The following ATXN7L1 variants were observed in gnomAD, a reference collection of about 807,000 sequenced individuals.
ATXN7L1 encodes the protein ataxin-7-like protein 1.
In ATXN7L1, 15 loss-of-function variants were observed where a neutral mutation model predicts 70.8. That is an observed-to-expected ratio of 0.21 (90% CI 0.14 to 0.33). The LOEUF is 0.33. Ranked by LOEUF, ATXN7L1 falls within the 10% of genes least tolerant of loss-of-function variation. ATXN7L1 has a pLI of 1.00. For synonymous variants in ATXN7L1, 440 were observed against 445.1 expected (o/e 0.99, Z 0.14); for missense variants, 975 against 1,097.1 (o/e 0.89, Z 1.57).
intron 8 of ATXN7L1, among the ~76,000 whole-genome samples, chr7:105,622,703 G>A (rs888095207): frequency 6.6e-6 from 1 of 152,196 alleles, no homozygotes; most frequent in African/African-American, 2.4e-5. Flanking sequence ...TTGATCCGGC[G>A]GGGGCATGTG....
intron 2 of ATXN7L1, among the ~76,000 whole-genome samples, chr7:105,818,138 C>T (rs1809474498): frequency 6.6e-6 from 1 of 152,134 alleles, no homozygotes; most frequent in Non-Finnish European, 1.5e-5. Context: ...TAACAAGCTG[C>T]CTGGGCTAAA....
Position 105,662,166 on chromosome 7 carries a change from G to A in ATXN7L1, c.578+2900C>T, listed in dbSNP as rs183812972. 1.9e-4 allele frequency among the ~76,000 whole-genome samples: 28 copies of A among 147,202 alleles called. No individual in the cohort carries two copies. The East Asian group carries it at 4.8e-3, about 25-fold the overall frequency. On this transcript the variant is annotated intron_variant, in intron 4 of 11. Coordinates refer to ENST00000419735, the MANE Select transcript of ATXN7L1 (RefSeq NM_020725.2). Reference sequence around the variant, plus strand: ...TGCCCAGCCTGGAGTGCAATGGAGCGATCTTGGCTCACTGCAACCTCCAAC... The same window carrying A: ...TGCCCAGCCTGGAGTGCAATGGAGCAATCTTGGCTCACTGCAACCTCCAAC...
intron 2 of ATXN7L1, among the ~76,000 whole-genome samples, chr7:105,840,995 G>A (rs1813122587): frequency 6.6e-6 from 1 of 152,242 alleles, no homozygotes; most frequent in African/African-American, 2.4e-5. Flanking sequence ...CAGGAGGAAT[G>A]CATTTTGGGT....
intron 3 of ATXN7L1, among the ~76,000 whole-genome samples, chr7:105,693,982 T>G: frequency 6.8e-6 from 1 of 146,732 alleles, no homozygotes; most frequent in Admixed American, 6.8e-5. Context: ...AAGTCTGGGG[T>G]GGGGAAAGGA....
rs77135542 is a variant in ATXN7L1 at position 105,826,245 on chromosome 7, T to A, written c.251-37537A>T. 2.7e-4 allele frequency among the ~76,000 whole-genome samples: 41 copies of A among 152,326 alleles called. No individual in the cohort carries two copies. The East Asian group carries it at 7.3e-3, about 27-fold the overall frequency. On this transcript the variant is annotated intron_variant, in intron 2 of 11. Coordinates refer to ENST00000419735, the MANE Select transcript of ATXN7L1 (RefSeq NM_020725.2). ...GGGGGAAAAAAGCACATAAAAAGTT[T>A]AATAAGAACACTAGCCTGGAGAACT...
chr7:105,677,725 C>T (rs1480729564), intron 3 of ATXN7L1, among the ~76,000 whole-genome samples: 3 of 152,218 alleles, frequency 2.0e-5, no homozygotes, highest in Non-Finnish European at 4.4e-5. Context: ...GTAGGCAGTT[C>T]TCAGCCTTAT....
intron 3 of ATXN7L1, among the ~76,000 whole-genome samples, chr7:105,721,912 T>C (rs1795228163): frequency 2.6e-5 from 4 of 152,226 alleles, no homozygotes; most frequent in Non-Finnish European, 1.5e-5. Context: ...TGAAATACAA[T>C]GGGGTCTTCC....
intron 2 of ATXN7L1, among the ~76,000 whole-genome samples, chr7:105,836,544 A>G (rs1812412949): frequency 6.6e-6 from 1 of 152,194 alleles, no homozygotes; most frequent in African/African-American, 2.4e-5. Flanking sequence ...TCAGGGACAG[A>G]TGGCAAACAA....
chr7:105,619,165 T>TTTTTTTTTA (rs869296716), intron 9 of ATXN7L1, among the ~76,000 whole-genome samples: 1 of 140,544 alleles, frequency 7.1e-6, no homozygotes, highest in Non-Finnish European at 1.5e-5. Flanking sequence ...TTTTTTTTTT[T>TTTTTTTTTA]GAGACGGAGT....
intron 2 of ATXN7L1, among the ~76,000 whole-genome samples, chr7:105,802,343 G>A (rs914015574): frequency 6.6e-6 from 1 of 152,072 alleles, no homozygotes; most frequent in African/African-American, 2.4e-5. Flanking sequence ...AGGTAAGGTG[G>A]TCTAGCTAAG....
chr7:105,797,334 G>A (rs1160747298), intron 2 of ATXN7L1, among the ~76,000 whole-genome samples: 2 of 152,058 alleles, frequency 1.3e-5, no homozygotes, highest in Admixed American at 6.6e-5. Flanking sequence ...GTCCGCCCCC[G>A]GACCCCAACC....
intron 2 of ATXN7L1, among the ~76,000 whole-genome samples, chr7:105,794,413 G>A (rs1805696660): frequency 6.6e-6 from 1 of 152,198 alleles, no homozygotes; most frequent in Non-Finnish European, 1.5e-5. Flanking sequence ...CAGCCAAGGT[G>A]GGAGTATTTA....
rs990194236 is a variant in ATXN7L1 at position 105,604,920 on chromosome 7, G to C, written c.*2932C>G. The C allele has an allele frequency of 1.3e-5, 2 of 151,600 alleles. No homozygotes were observed. The highest frequency in any genetic ancestry group is 6.6e-5 in the Admixed American group (1 of 15,200). 9.4% of individuals were successfully genotyped at this position (151,600 alleles called of 1,614,324 possible). ...TTCTTTTTTTCCTTTTTTAAAACAA[G>C]AGTTCACTGAGAATCAGCAATAATA... On this transcript the variant is annotated 3_prime_UTR_variant, in exon 12 of 12. Transcript: ENST00000419735.
intron 7 of ATXN7L1, among the ~76,000 whole-genome samples, chr7:105,631,400 A>T (rs1158546576): frequency 6.6e-6 from 1 of 152,174 alleles, no homozygotes; most frequent in Admixed American, 6.5e-5. Flanking sequence ...AAGTGGACCT[A>T]AAGGTCATGT....
chr7:105,876,093 A>G (rs931369138), intron 1 of ATXN7L1, among the ~76,000 whole-genome samples: 5 of 152,184 alleles, frequency 3.3e-5, no homozygotes, highest in Admixed American at 2.6e-4. Flanking sequence ...CTATGCAAGC[A>G]GCAACAAAGT....
chr7:105,734,390 C>T (rs556485892), intron 3 of ATXN7L1, among the ~76,000 whole-genome samples: 22 of 152,202 alleles, frequency 1.4e-4, no homozygotes, highest in Non-Finnish European at 2.9e-4. Context: ...CCTCAGAGCC[C>T]GGGGCAGCTG....
intron 2 of ATXN7L1, among the ~76,000 whole-genome samples, chr7:105,875,450 C>T (rs74605194): frequency 6.6e-6 from 1 of 152,162 alleles, no homozygotes; most frequent in African/African-American, 2.4e-5. Context: ...CATTCACCCA[C>T]GAGAAAGGCT....
chr7:105,628,881 G>A (rs759535336), intron 7 of ATXN7L1, among the ~76,000 whole-genome samples: 13 of 151,170 alleles, frequency 8.6e-5, no homozygotes, highest in Non-Finnish European at 1.9e-4. Context: ...TGGTATATGT[G>A]TACACTGTAA....
intron 2 of ATXN7L1, among the ~76,000 whole-genome samples, chr7:105,828,225 G>A (rs1465018702): frequency 6.6e-6 from 1 of 152,120 alleles, no homozygotes; most frequent in Admixed American, 6.5e-5. Context: ...GTTTAGGATT[G>A]GGGTTTAGAG....
Sources: allele counts gnomAD v4.1 joint callset (sites outside exome capture counted in the v4.1 genomes callset), GRCh38; gene constraint gnomAD v4.1.1; transcripts MANE v1.5; gene names NCBI Gene and HGNC (gene_info 2026-07-23, HGNC 2026-07-21).